The following CNTNAP2 variants were observed in gnomAD, a reference collection of about 807,000 sequenced individuals.
The protein encoded by CNTNAP2 is contactin-associated protein-like 2.
In CNTNAP2, 98 loss-of-function variants were observed where a neutral mutation model predicts 155.2. That is an observed-to-expected ratio of 0.63 (90% CI 0.54 to 0.75). CNTNAP2 has a LOEUF of 0.75. CNTNAP2 is among the 30% of genes least tolerant of loss of function. CNTNAP2 has a pLI of 0.00. For missense variants in CNTNAP2, 1,727 were observed against 1,688.1 expected (o/e 1.02, Z -0.40); for synonymous variants, 651 against 631.2 (o/e 1.03, Z -0.47).
intron 16 of CNTNAP2, among the ~76,000 whole-genome samples, chr7:148,127,125 C>T (rs902207642): frequency 2.0e-5 from 3 of 152,102 alleles, no homozygotes; most frequent in African/African-American, 4.8e-5. Context: ...GCCAACATGG[C>T]GAAACCCCAT....
At chr7:147,454,059 GA>G (rs1797878980) in intron 10 of CNTNAP2, among the ~76,000 whole-genome samples, 1 of 152,106 alleles carries the variant, frequency 6.6e-6, no homozygotes, top group African/African-American at 2.4e-5. Flanking sequence ...ATTTGTTTTA[GA>G]CATAGAGTTT....
chr7:148,228,048 C>G (rs574353181), intron 19 of CNTNAP2, among the ~76,000 whole-genome samples: 2 of 151,986 alleles, frequency 1.3e-5, no homozygotes, highest in East Asian at 1.9e-4. Flanking sequence ...TTTTAATTAG[C>G]ATGTTTTATT....
At chr7:146,876,013 A>C (rs1795422006) in intron 3 of CNTNAP2, among the ~76,000 whole-genome samples, 1 of 147,668 alleles carries the variant, frequency 6.8e-6, no homozygotes, top group Admixed American at 6.8e-5. Flanking sequence ...TGGGGGCAGG[A>C]GTTGCAGTAC....
At chr7:147,093,271 G>A (rs1248310661) in intron 4 of CNTNAP2, among the ~76,000 whole-genome samples, 2 of 149,554 alleles carry the variant, frequency 1.3e-5, no homozygotes, top group African/African-American at 4.9e-5. Flanking sequence ...AAAAAGAAAA[G>A]GTGTACGTAT....
intron 20 of CNTNAP2, among the ~76,000 whole-genome samples, chr7:148,250,046 C>G (rs1290190657): frequency 2.0e-5 from 3 of 152,250 alleles, no homozygotes; most frequent in African/African-American, 7.2e-5. Flanking sequence ...CTGCAGGACT[C>G]CACAGGAACT....
At chr7:146,925,519 A>G (rs1399245340) in intron 3 of CNTNAP2, among the ~76,000 whole-genome samples, 1 of 152,102 alleles carries the variant, frequency 6.6e-6, no homozygotes, top group Non-Finnish European at 1.5e-5. Context: ...TCATTTGTTA[A>G]TTATGTTGTT....
intron 3 of CNTNAP2, among the ~76,000 whole-genome samples, chr7:146,902,945 C>T (rs936653532): frequency 4.6e-5 from 7 of 152,220 alleles, no homozygotes; most frequent in Non-Finnish European, 1.0e-4. Context: ...ACCACACTGA[C>T]TCAGTGACTG....
At position 147,515,332 on chromosome 7, in the gene CNTNAP2, TG is replaced by T. The variant is rs1376898661; in HGVS notation, c.1777+29292del. ...TAGTTCATTATATTCTTTTTTTGTT[TG>T]TTTGTTTTGAGACAAGTCTCGCTCT... On this transcript the variant is annotated intron_variant, in intron 11 of 23. Transcript: ENST00000361727. 8.4e-5 allele frequency among the ~76,000 whole-genome samples: 12 copies of T among 142,126 alleles called. 1 individual carries two copies. The highest frequency in any genetic ancestry group is 4.1e-4 in the East Asian group (2 of 4,874). The allele number at this position is 142,126 out of a possible 152,430, so 93.2% of individuals were successfully genotyped here. A position where few individuals can be genotyped will look rare whatever the true frequency, so the allele number is the denominator to read the frequency against.
At chr7:147,651,455 C>T (rs186764783) in intron 13 of CNTNAP2, among the ~76,000 whole-genome samples, 112 of 152,276 alleles carry the variant, frequency 7.4e-4, no homozygotes, top group Admixed American at 3.8e-3. Flanking sequence ...CAGATAAAAC[C>T]GACCATCACA....
chr7:148,351,161 G>A (rs189781408), intron 21 of CNTNAP2, among the ~76,000 whole-genome samples: 30 of 152,198 alleles, frequency 2.0e-4, no homozygotes, highest in Non-Finnish European at 3.2e-4. Context: ...AACTTATCAC[G>A]TATCAAGGTT....
At chr7:147,936,784 C>G (rs1800617204) in intron 14 of CNTNAP2, among the ~76,000 whole-genome samples, 1 of 152,154 alleles carries the variant, frequency 6.6e-6, no homozygotes, top group African/African-American at 2.4e-5. Flanking sequence ...ATTTTAGGGA[C>G]AGAGTGCTCA....
intron 1 of CNTNAP2, among the ~76,000 whole-genome samples, chr7:146,589,441 C>T (rs965071479): frequency 6.6e-6 from 1 of 152,108 alleles, no homozygotes; most frequent in African/African-American, 2.4e-5. Flanking sequence ...GAGTTCATGT[C>T]CTTTGCAGGG....
At chr7:146,888,463 C>T (rs1391408655) in intron 3 of CNTNAP2, among the ~76,000 whole-genome samples, 2 of 152,076 alleles carry the variant, frequency 1.3e-5, no homozygotes, top group Non-Finnish European at 1.5e-5. Flanking sequence ...GTAACTTCCA[C>T]ATCATGTGTT....
At chr7:147,666,941 T>C (rs1404902173) in intron 13 of CNTNAP2, among the ~76,000 whole-genome samples, 1 of 152,140 alleles carries the variant, frequency 6.6e-6, no homozygotes, top group African/African-American at 2.4e-5. Context: ...CTAACAACAG[T>C]TCAGGAAGAG....
intron 10 of CNTNAP2, among the ~76,000 whole-genome samples, chr7:147,404,117 C>T (rs950050310): frequency 6.6e-6 from 1 of 152,166 alleles, no homozygotes; most frequent in African/African-American, 2.4e-5. Context: ...AAATACCTTA[C>T]TTTCATTCAT....
At chr7:148,175,046 T>C (rs1794908275) in intron 18 of CNTNAP2, among the ~76,000 whole-genome samples, 1 of 152,192 alleles carries the variant, frequency 6.6e-6, no homozygotes, top group Admixed American at 6.5e-5. Context: ...CTGAGAATGA[T>C]GGCCTGTAGC....
At position 147,217,570 on chromosome 7, in the gene CNTNAP2, A is replaced by G. The variant is rs147763349; in HGVS notation, c.1349-82571A>G. 2.6e-3 allele frequency among the ~76,000 whole-genome samples: 392 copies of G among 151,816 alleles called. 1 individual carries two copies. Among genetic ancestry groups the G allele is most frequent in the African/African-American group, 8.6e-3 (358 of 41,442 alleles). The stretch of plus-strand genomic sequence containing the variant: ...TCAATTTGCTAATATTTTGTTGAGG[A>G]TATTTGTATCTATATTTATAGGAGG... On this transcript the variant is annotated intron_variant, in intron 8 of 23. Coordinates refer to ENST00000361727, the MANE Select transcript of CNTNAP2 (RefSeq NM_014141.6).
chr7:148,014,325 C>T (rs564719744), intron 15 of CNTNAP2: 2 of 150,468 alleles, frequency 1.3e-5, no homozygotes, highest in African/African-American at 4.9e-5. Flanking sequence ...TTGCAATGGG[C>T]TTTTTACCGC....
intron 1 of CNTNAP2, among the ~76,000 whole-genome samples, chr7:146,176,868 A>G (rs1798478491): frequency 6.6e-6 from 1 of 152,228 alleles, no homozygotes. Context: ...ATAATACACC[A>G]TTTGAAAGAA....
Sources: gnomAD v4.1 joint callset for allele counts (sites outside exome capture counted in the v4.1 genomes callset) on GRCh38, gnomAD v4.1.1 for gene constraint, MANE v1.5 for transcripts, NCBI Gene and HGNC (gene_info 2026-07-23, HGNC 2026-07-21) for gene names.